The following HHAT variants were observed in gnomAD, a reference collection of about 807,000 sequenced individuals.
The protein encoded by HHAT is protein-cysteine N-palmitoyltransferase HHAT.
Under a neutral mutation model 70.8 loss-of-function variants are expected in HHAT, and 47 were observed. That is an observed-to-expected ratio of 0.66 (90% CI 0.53 to 0.85). The LOEUF (loss-of-function observed/expected upper bound fraction) is 0.85, where lower values mean the gene tolerates loss of function less well. Ranked by LOEUF, HHAT falls within the 40% of genes least tolerant of loss-of-function variation. The pLI is 0.00. For synonymous variants in HHAT, 228 were observed against 247.6 expected (o/e 0.92, Z 0.74); for missense variants, 609 against 604.8 (o/e 1.01, Z -0.07).
At chr1:210,365,309 GTTTTTTT>G (rs4027290) in intron 3 of HHAT, among the ~76,000 whole-genome samples, 1 of 78,420 alleles carries the variant, frequency 1.3e-5, no homozygotes, top group African/African-American at 5.2e-5. Flanking sequence ...ACTGCTGACA[GTTTTTTT>G]TTTTTTTTTT....
At chr1:210,459,258 G>A (rs1001554619) in intron 7 of HHAT, among the ~76,000 whole-genome samples, 1 of 152,172 alleles carries the variant, frequency 6.6e-6, no homozygotes, top group African/African-American at 2.4e-5. Flanking sequence ...CTGAACTTCA[G>A]TAGAGACTTA....
intron 4 of HHAT, among the ~76,000 whole-genome samples, chr1:210,389,443 C>T (rs1284024473): frequency 6.6e-6 from 1 of 152,194 alleles, no homozygotes; most frequent in African/African-American, 2.4e-5. Context: ...TGTCCCTACC[C>T]AAATCTCATG....
At position 210,656,059 on chromosome 1, in the gene HHAT, C is replaced by T. The variant is rs554448290; in HGVS notation, c.1391-18229C>T. ...CAAACAAAGATGCCCACTTTCTGTT[C>T]GGAGGCTCTAAATGTTATATGTTCC... On this transcript the variant is annotated intron_variant, in intron 11 of 11. Transcript: ENST00000261458. Among the ~76,000 whole-genome samples, 603 of 152,270 alleles carry T rather than the reference C, an allele frequency of 4.0e-3. 1 individual carries two copies. Among genetic ancestry groups the T allele is most frequent in the Non-Finnish European group, 6.5e-3 (444 of 68,032 alleles).
At chr1:210,544,465 C>T (rs1202875763) in intron 9 of HHAT, among the ~76,000 whole-genome samples, 4 of 149,882 alleles carry the variant, frequency 2.7e-5, no homozygotes, top group Non-Finnish European at 4.4e-5. Flanking sequence ...CTCTGCCTCC[C>T]GGGTTCAAGG....
At chr1:210,387,622 C>A in intron 4 of HHAT, 41 bp downstream of exon 4, 1 of 1,495,312 alleles carries the variant, frequency 6.7e-7, no homozygotes. Flanking sequence ...TGTGTTTTTC[C>A]TTTGCTTCTT....
chr1:210,495,788 G>A lies in HHAT; in HGVS notation c.1008-17365G>A, dbSNP rs559040548. ...TTTGGGTGGCCGAGGCGGGCAGATC[G>A]CCTGAGGTCAGGAGTTCAAGACCAG... On this transcript the variant is annotated intron_variant, in intron 8 of 11. Transcript: ENST00000261458. Among the ~76,000 whole-genome samples the A allele has an allele frequency of 3.3e-5, 5 of 152,062 alleles. No individual in the cohort carries two copies. In the East Asian group the frequency reaches 7.7e-4, roughly 24 times the overall value.
chr1:210,657,370 G>T (rs1393739135), intron 11 of HHAT, among the ~76,000 whole-genome samples: 1 of 152,234 alleles, frequency 6.6e-6, no homozygotes, highest in African/African-American at 2.4e-5. Flanking sequence ...TCTTCAGTGT[G>T]TTGATGAGCA....
intron 1 of HHAT, among the ~76,000 whole-genome samples, chr1:210,347,682 A>C (rs543170874): frequency 1.3e-5 from 2 of 152,314 alleles, no homozygotes; most frequent in African/African-American, 4.8e-5. Flanking sequence ...AGAGGCTTAA[A>C]CAACCTAGAA....
intron 9 of HHAT, among the ~76,000 whole-genome samples, chr1:210,530,711 A>G (rs1388864659): frequency 1.3e-5 from 2 of 152,174 alleles, no homozygotes; most frequent in African/African-American, 4.8e-5. Context: ...CTTTTACACA[A>G]GAGCCTAGGA....
chr1:210,667,207 ACT>A (rs1396034274), intron 11 of HHAT, among the ~76,000 whole-genome samples: 3 of 152,062 alleles, frequency 2.0e-5, no homozygotes, highest in East Asian at 1.9e-4. Context: ...ACAAGGAGAA[ACT>A]CTGTCTCTAC....
chr1:210,581,850 C>T (rs763396789), intron 9 of HHAT, among the ~76,000 whole-genome samples: 8 of 151,922 alleles, frequency 5.3e-5, no homozygotes, highest in South Asian at 2.1e-4. Flanking sequence ...AAAAGCTATT[C>T]GAGGCTATCA....
chr1:210,417,989 G>T (rs538069496), intron 6 of HHAT, among the ~76,000 whole-genome samples, 165 bp from the exon 7 acceptor site: 21 of 152,126 alleles, frequency 1.4e-4, no homozygotes, highest in Admixed American at 7.9e-4. Context: ...GCTGAAATAC[G>T]ATTCTTCCAA....
At chr1:210,386,222 C>CTTTTTTCTTTTTTTTTTTTTTTTTTTTT (rs1558409107) in intron 3 of HHAT, among the ~76,000 whole-genome samples, 2 of 69,892 alleles carry the variant, frequency 2.9e-5, no homozygotes, top group African/African-American at 1.1e-4. Flanking sequence ...GAGTCCTTTT[C>CTTTTTTCTTTTTTTTTTTTTTTTTTTTT]TTTTTTTCTT....
intron 3 of HHAT, among the ~76,000 whole-genome samples, chr1:210,369,408 C>T (rs982655712): frequency 2.0e-4 from 30 of 152,176 alleles, no homozygotes; most frequent in African/African-American, 7.2e-4. Flanking sequence ...TGACTATGAA[C>T]ATAGATAAAG....
chr1:210,636,819 G>A (rs1671951732), intron 11 of HHAT, among the ~76,000 whole-genome samples: 1 of 152,134 alleles, frequency 6.6e-6, no homozygotes, highest in South Asian at 2.1e-4. Context: ...GAAGTGTTAG[G>A]TAAATGCCTT....
At chr1:210,402,508 A>G (rs2092127819) in intron 5 of HHAT, among the ~76,000 whole-genome samples, 1 of 152,228 alleles carries the variant, frequency 6.6e-6, no homozygotes, top group Non-Finnish European at 1.5e-5. Flanking sequence ...AGTACAGCTT[A>G]GACCTCAGTC....
At chr1:210,384,573 G>T (rs2090900917) in intron 3 of HHAT, among the ~76,000 whole-genome samples, 1 of 152,172 alleles carries the variant, frequency 6.6e-6, no homozygotes, top group Non-Finnish European at 1.5e-5. Flanking sequence ...CCACTTTGAG[G>T]TTGGATGTGG....
In HHAT at chr1:210,404,615, A is replaced by G. The variant is rs1176162825; in HGVS notation, c.620A>G (p.Tyr207Cys). The G allele has an allele frequency of 4.3e-6, 7 of 1,613,836 alleles. No individual in the cohort carries two copies. Among genetic ancestry groups the G allele is most frequent in the East Asian group, 2.2e-5 (1 of 44,878 alleles). ...TACTCCTTTCCCTGGATGCTGGCCT[A>G]TGTCTTTTATTATCCAGTCTTACAC... is the stretch of plus-strand genomic sequence containing the variant. Reference protein sequence around the residue: ...TSYSFPWMLAYVFYYPVLHNG... With the variant: ...TSYSFPWMLACVFYYPVLHNG... The change falls in exon 6 of 12, where the codon TAT becomes TGT. Residue 207 changes from tyrosine (Y) to cysteine (C), a missense_variant. Transcript: ENST00000261458.
At chr1:210,613,240 G>A (rs1666955632) in intron 10 of HHAT, among the ~76,000 whole-genome samples, 1 of 152,082 alleles carries the variant, frequency 6.6e-6, no homozygotes. Flanking sequence ...TATAGTTTTA[G>A]TTCATCTTTT....
Sources: gnomAD v4.1 joint callset for allele counts (sites outside exome capture counted in the v4.1 genomes callset) on GRCh38, gnomAD v4.1.1 for gene constraint, MANE v1.5 for transcripts, NCBI Gene and HGNC (gene_info 2026-07-23, HGNC 2026-07-21) for gene names.